ZNF805: variants seen among roughly 807,000 people sequenced by gnomAD.
ZNF805 encodes the protein CTC-444N24.8.
ZNF805 carries 7 observed loss-of-function variants against 13.6 expected under a neutral mutation model. The ratio of observed to expected loss-of-function variants is 0.51; its 90% CI spans 0.29 to 0.97. The LOEUF (loss-of-function observed/expected upper bound fraction) is 0.97, where lower values mean the gene tolerates loss of function less well. Ranked by LOEUF, ZNF805 falls within the 50% of genes least tolerant of loss-of-function variation. The probability of loss-of-function intolerance (pLI) is 0.08; values close to 1 mark genes in which losing one functional copy is unlikely to be tolerated. For synonymous variants in ZNF805, 293 were observed against 279.8 expected (o/e 1.05, Z -0.47); for missense variants, 604 against 771.0 (o/e 0.78, Z 2.57).
intron 1 of ZNF805, among the ~76,000 whole-genome samples, chr19:57,242,784 C>G (rs377059043): frequency 6.6e-6 from 1 of 152,130 alleles, no homozygotes; most frequent in African/African-American, 2.4e-5. Flanking sequence ...GATTAAATAG[C>G]AAAAATATGT....
rs764012499 is a variant in ZNF805 at position 57,240,825 on chromosome 19, G to A, written c.-67G>A. 6.5e-4 allele frequency: 971 copies of A among 1,492,244 alleles called. No homozygotes were observed. Among genetic ancestry groups the A allele is most frequent in the Non-Finnish European group, 8.1e-4 (890 of 1,103,896 alleles). The allele number at this position is 1,492,244 out of a possible 1,614,324, so 92.4% of individuals were successfully genotyped here. ...CCGGCGCAGGGAAGGGGTGGGGCTC[G>A]GCTGAGCCCGCGAGACCCGCCCTGC... On this transcript the variant is annotated 5_prime_UTR_variant, in exon 1 of 4. Coordinates refer to ENST00000414468, the MANE Select transcript of ZNF805 (RefSeq NM_001023563.4).
intron 2 of ZNF805, among the ~76,000 whole-genome samples, chr19:57,245,744 A>G (rs192252616): frequency 2.0e-5 from 3 of 151,198 alleles, no homozygotes; most frequent in Non-Finnish European, 4.4e-5. Flanking sequence ...GCACCACTGC[A>G]CTCCAGCCTG....
chr19:57,254,211 T>C lies in ZNF805; in HGVS notation c.1392T>C (p.Phe464=). ...PFECKECGKA[F]SNRADLIRHF... is the part of the protein sequence containing the mutation. ...AGTGCAAAGAGTGTGGGAAAGCCTT[T>C]AGCAATAGGGCAGACCTCATTCGCC... Residue 464 remains phenylalanine (F), a synonymous_variant, in exon 4 of 4, where the codon TTT becomes TTC. Transcript: ENST00000414468. 6.2e-7 allele frequency: 1 copy of C among 1,608,256 alleles called. No homozygotes were observed. The highest frequency in any genetic ancestry group is 8.5e-7 in the Non-Finnish European group (1 of 1,178,342).
rs56311072 is a variant in ZNF805, at chr19:57,258,007, A to AT, written c.*3326dup. On this transcript the variant is annotated 3_prime_UTR_variant, in exon 4 of 4. Coordinates refer to ENST00000414468, the MANE Select transcript of ZNF805 (RefSeq NM_001023563.4). Reference sequence around the variant, plus strand: ...ACTGGTATGAGCAACCACGCACAGCATTTTTTTTTTTTTTTTTTTTTTGAG... The same window carrying AT: ...ACTGGTATGAGCAACCACGCACAGCATTTTTTTTTTTTTTTTTTTTTTTGAG... Among the ~76,000 whole-genome samples the AT allele has an allele frequency of 4.4e-3, 420 of 95,660 alleles. 7 individuals are homozygous for AT. Among genetic ancestry groups the AT allele is most frequent in the East Asian group, 0.014 (45 of 3,330 alleles). 62.8% of individuals were successfully genotyped at this position (95,660 alleles called of 152,430 possible). A position where few individuals can be genotyped will look rare whatever the true frequency, so the allele number is the denominator to read the frequency against.
At chr19:57,245,780 A>G (rs1354095702) in intron 2 of ZNF805, among the ~76,000 whole-genome samples, 1 of 144,646 alleles carries the variant, frequency 6.9e-6, no homozygotes, top group African/African-American at 2.8e-5. Flanking sequence ...CTCCATCTCA[A>G]AAAAAAAAAA....
In ZNF805 at chr19:57,250,780, T is replaced by C. The variant is rs377134753; in HGVS notation, c.253+2080T>C. ...CTTCTATTGTTTAATCGGCAGTCCT[T>C]ACACATTCCTCTCAACCTCTCATAT... On this transcript the variant is annotated intron_variant, in intron 3 of 3. Transcript: ENST00000414468. Among the ~76,000 whole-genome samples the C allele has an allele frequency of 3.9e-5, 6 of 152,336 alleles. No homozygotes were observed. The East Asian group carries it at 5.8e-4, about 15-fold the overall frequency.
In ZNF805 at chr19:57,240,698, G is replaced by C. The variant is rs775485686; in HGVS notation, c.-194G>C. The C allele has an allele frequency of 1.9e-5, 10 of 520,538 alleles. No individual in the cohort carries two copies. The highest frequency in any genetic ancestry group is 1.0e-4 in the East Asian group (3 of 29,744). 32.2% of individuals were successfully genotyped at this position (520,538 alleles called of 1,614,324 possible). On this transcript the variant is annotated 5_prime_UTR_variant, in exon 1 of 4. Coordinates refer to ENST00000414468, the MANE Select transcript of ZNF805 (RefSeq NM_001023563.4). ...TGGCCGCCTCCCTGGCGGCGCTGGG[G>C]AAATGAGCAGGTAGGAGGCCGACAG...
Position 57,253,792 on chromosome 19 carries a change from C to T in ZNF805, c.973C>T (p.Arg325Ter), listed in dbSNP as rs201070451. 1.9e-6 allele frequency: 3 copies of T among 1,612,830 alleles called. No homozygotes were observed. The highest frequency in any genetic ancestry group is 2.5e-6 in the Non-Finnish European group (3 of 1,179,662). Residue 325 changes from arginine (R) to a stop codon, truncating the protein, a stop_gained, in exon 4 of 4, where the codon CGA becomes TGA. Transcript: ENST00000414468. LOFTEE classifies it low-confidence loss of function (END_TRUNC). The surrounding 1 kb of genome is among the most constrained non-coding windows in gnomAD (Gnocchi z 4.4). ...GTGCAAAGAGTGTGGCAAAGCCTTT[C>T]GAGATAGGCCAGGTTTCATTCGACA... The part of the protein sequence containing the change: ...FVCKECGKAF[R>*]DRPGFIRHYI...
In ZNF805 at chr19:57,262,187, T is replaced by C. The variant is rs556006595; in HGVS notation, c.*7484T>C. The C allele has an allele frequency of 1.6e-4, 26 of 167,124 alleles. No homozygotes were observed. The East Asian group carries it at 4.8e-3, about 31-fold the overall frequency. 10.4% of individuals were successfully genotyped at this position (167,124 alleles called of 1,614,324 possible). A position where few individuals can be genotyped will look rare whatever the true frequency, so the allele number is the denominator to read the frequency against. ...ACCTTGCAAGATCAAAGAATAGCAG[T>C]CTCTGGCCTGCTCTGTTCTCTTTTT... On this transcript the variant is annotated 3_prime_UTR_variant, in exon 4 of 4. Coordinates refer to ENST00000414468, the MANE Select transcript of ZNF805 (RefSeq NM_001023563.4).
chr19:57,262,025 C>G lies in ZNF805; in HGVS notation c.*7322C>G, dbSNP rs1325843526. 6.0e-6 allele frequency: 1 copy of G among 165,714 alleles called. No individual in the cohort carries two copies. The highest frequency in any genetic ancestry group is 1.5e-5 in the Non-Finnish European group (1 of 68,114). The allele number at this position is 165,714 out of a possible 1,614,324, so 10.3% of individuals were successfully genotyped here. ...TTTATATTGGACTTGCTTTCTAGCA[C>G]ATACCACAATTGTAGACCTCCAGAA... On this transcript the variant is annotated 3_prime_UTR_variant, in exon 4 of 4. Coordinates refer to ENST00000414468, the MANE Select transcript of ZNF805 (RefSeq NM_001023563.4).
chr19:57,255,506 A>G lies in ZNF805; in HGVS notation c.*803A>G, dbSNP rs2122846470. Among the ~76,000 whole-genome samples the G allele has an allele frequency of 6.6e-6, 1 of 152,184 alleles. No individual in the cohort carries two copies. Among genetic ancestry groups the G allele is most frequent in the South Asian group, 2.1e-4 (1 of 4,828 alleles). On this transcript the variant is annotated 3_prime_UTR_variant, in exon 4 of 4. Coordinates refer to ENST00000414468, the MANE Select transcript of ZNF805 (RefSeq NM_001023563.4). ...ACATAGCCTATCTTTTCATTATTTA[A>G]ATTTTCTTTGATATATTTCATTACT...
chr19:57,254,684 C>T lies in ZNF805; in HGVS notation c.1865C>T (p.Pro622Leu), dbSNP rs1487642025. 1 of 1,610,766 alleles carries T rather than the reference C, an allele frequency of 6.2e-7. No individual in the cohort carries two copies. Among genetic ancestry groups the T allele is most frequent in the Non-Finnish European group, 8.5e-7 (1 of 1,178,516 alleles). Residue 622 changes from proline to leucine, a missense_variant, in exon 4 of 4, where the codon CCA becomes CTA. This residue lies in a region of ZNF805 where 49 missense variants were observed against 40.0 expected (regional missense o/e 1.23). Coordinates refer to ENST00000414468, the MANE Select transcript of ZNF805 (RefSeq NM_001023563.4). ...GATCGTACATACCAAAGAGAAACCC[C>T]ACAAGTGTCTTCACTGTGAGAAAAC... is the stretch of plus-strand genomic sequence containing the variant. ...ASDRTYQRET[P>L]QVSSL
In ZNF805 at chr19:57,259,492, ATTTGTTTTGT is replaced by A. The variant is rs201704217; in HGVS notation, c.*4808_*4817del. On this transcript the variant is annotated 3_prime_UTR_variant, in exon 4 of 4. Transcript: ENST00000414468. ...TGTATTTTTCAGTTGTTTAATTTCC[ATTTGTTTTGT>A]TTTGTTTTGTTTTGTTTTTTTGAGA... Among the ~76,000 whole-genome samples, 861 of 149,586 alleles carry A rather than the reference ATTTGTTTTGT, an allele frequency of 5.8e-3. 12 individuals are homozygous for A. The highest frequency in any genetic ancestry group is 0.019 in the African/African-American group (757 of 40,568).
rs1160139307 is a variant in ZNF805, at chr19:57,262,321, C to T, written c.*7618C>T. 1 of 164,136 alleles carries T rather than the reference C, an allele frequency of 6.1e-6. No individual in the cohort carries two copies. Among genetic ancestry groups the T allele is most frequent in the South Asian group, 2.1e-4 (1 of 4,736 alleles). The allele number at this position is 164,136 out of a possible 1,614,324, so 10.2% of individuals were successfully genotyped here. ...ATAAGCCATAGCTTTGAGATGAAGGCTTATATACGTGTAAACCATTGTAAC... is the reference window on the plus strand; with the variant it reads ...ATAAGCCATAGCTTTGAGATGAAGGTTTATATACGTGTAAACCATTGTAAC... On this transcript the variant is annotated 3_prime_UTR_variant, in exon 4 of 4. Coordinates refer to ENST00000414468, the MANE Select transcript of ZNF805 (RefSeq NM_001023563.4).
In ZNF805 at chr19:57,261,110, C is replaced by T. The variant is rs989310764; in HGVS notation, c.*6407C>T. Reference sequence around the variant, plus strand: ...CATGTCCTTAACCACTTTATTGCTTCTCATAAGGTGGGTCTTTGTTTCCTG... The same window carrying T: ...CATGTCCTTAACCACTTTATTGCTTTTCATAAGGTGGGTCTTTGTTTCCTG... On this transcript the variant is annotated 3_prime_UTR_variant, in exon 4 of 4. Coordinates refer to ENST00000414468, the MANE Select transcript of ZNF805 (RefSeq NM_001023563.4). Among the ~76,000 whole-genome samples the T allele has an allele frequency of 1.3e-5, 2 of 152,170 alleles. No individual in the cohort carries two copies. The highest frequency in any genetic ancestry group is 2.9e-5 in the Non-Finnish European group (2 of 68,038).
In ZNF805 at chr19:57,259,908, G is replaced by A. The variant is rs144886577; in HGVS notation, c.*5205G>A. 2.0e-5 allele frequency among the ~76,000 whole-genome samples: 3 copies of A among 152,318 alleles called. No homozygotes were observed. In the East Asian group the frequency reaches 5.8e-4, roughly 29 times the overall value. On this transcript the variant is annotated 3_prime_UTR_variant, in exon 4 of 4. Coordinates refer to ENST00000414468, the MANE Select transcript of ZNF805 (RefSeq NM_001023563.4). Reference sequence around the variant, plus strand: ...TAAATTCCAGAGTCATGGTTTTCTGGTGGTTTGTCTCAATATTTGAATAGA... The same window carrying A: ...TAAATTCCAGAGTCATGGTTTTCTGATGGTTTGTCTCAATATTTGAATAGA...
intron 3 of ZNF805, among the ~76,000 whole-genome samples, chr19:57,250,853 C>G (rs941222085): frequency 6.6e-6 from 1 of 152,158 alleles, no homozygotes; most frequent in Admixed American, 6.5e-5. Context: ...CCCTTGGCCA[C>G]GGCCAGTTTT....
chr19:57,247,141 C>T (rs1018877053), intron 2 of ZNF805, among the ~76,000 whole-genome samples: 2 of 151,770 alleles, frequency 1.3e-5, no homozygotes, highest in Admixed American at 6.6e-5. Context: ...TCTCCAGTAG[C>T]TGGGACTACA....
intron 2 of ZNF805, 78 bp downstream of exon 2, chr19:57,244,127 C>A: frequency 2.0e-6 from 3 of 1,492,212 alleles, no homozygotes; most frequent in Admixed American, 2.1e-5. Context: ...CCTGATGGGT[C>A]AAGAAGTCCT....
Sources: allele counts gnomAD v4.1 joint callset (sites outside exome capture counted in the v4.1 genomes callset), GRCh38; gene constraint gnomAD v4.1.1; regional missense constraint gnomAD v4.1.1; non-coding constraint Gnocchi (gnomAD v3.1); transcripts MANE v1.5; gene names NCBI Gene and HGNC (gene_info 2026-07-23, HGNC 2026-07-21).